The following CACNA1A variants were observed in gnomAD, a reference collection of about 807,000 sequenced individuals.
The protein encoded by CACNA1A is voltage-dependent P/Q-type calcium channel subunit alpha-1A.
In CACNA1A, 57 loss-of-function variants were observed where a neutral mutation model predicts 262.4. The observed-to-expected ratio is 0.22, with a 90% CI of 0.18 to 0.27. CACNA1A has a LOEUF of 0.27. Ranked by LOEUF, CACNA1A falls within the 10% of genes least tolerant of loss-of-function variation. The pLI, the probability that CACNA1A is intolerant of heterozygous loss-of-function variation, is 1.00. For synonymous variants in CACNA1A, 1,431 were observed against 1,419.3 expected (o/e 1.01, Z -0.18); for missense variants, 2,526 against 3,562.8 (o/e 0.71, Z 7.41).
At chr19:13,318,435 G>A (rs2058174261) in intron 10 of CACNA1A, among the ~76,000 whole-genome samples, 1 of 152,172 alleles carries the variant, frequency 6.6e-6, no homozygotes, top group Non-Finnish European at 1.5e-5. Context: ...CCACAAGGAG[G>A]ACTTTGGCTT....
At position 13,277,333 on chromosome 19, in the gene CACNA1A, T is replaced by C. The variant is rs1358049954; in HGVS notation, c.3823-205A>G. The C allele has an allele frequency of 5.0e-5, 25 of 499,574 alleles. No individual in the cohort carries two copies. The South Asian group carries it at 5.1e-4, about 10-fold the overall frequency. 30.9% of individuals were successfully genotyped at this position (499,574 alleles called of 1,614,324 possible). On this transcript the variant is annotated intron_variant, in intron 22 of 46. Transcript: ENST00000360228. Reference sequence around the variant, plus strand: ...GCAGATTTGTATGTTGTGAATGAAATTGTCCAGCAGATGGCAGCAAATCCT... The same window carrying C: ...GCAGATTTGTATGTTGTGAATGAAACTGTCCAGCAGATGGCAGCAAATCCT...
chr19:13,247,445 G>A (rs977188399), intron 30 of CACNA1A, among the ~76,000 whole-genome samples: 2 of 152,182 alleles, frequency 1.3e-5, no homozygotes, highest in African/African-American at 4.8e-5. Flanking sequence ...TGCAATCCCA[G>A]CACTTTGGGA....
At position 13,236,260 on chromosome 19, in the gene CACNA1A, T is replaced by C. The variant is rs1224243696; in HGVS notation, c.4951-530A>G. On this transcript the variant is annotated intron_variant, in intron 31 of 46. Transcript: ENST00000360228. This position sits in a 1 kb window ranked among gnomAD's most constrained non-coding sequence, Gnocchi z 4.6. ...CCAGCACAGTCAGGCCTGGTGGACA[T>C]GTGCGGGTTCCGAGGGCATGTTACG... Among the ~76,000 whole-genome samples the C allele has an allele frequency of 6.6e-6, 1 of 151,958 alleles. No homozygotes were observed. The highest frequency in any genetic ancestry group is 2.4e-5 in the African/African-American group (1 of 41,370).
intron 38 of CACNA1A, among the ~76,000 whole-genome samples, chr19:13,221,234 CTT>C (rs57377809): frequency 2.8e-5 from 1 of 36,306 alleles, no homozygotes; most frequent in Non-Finnish European, 4.7e-5. Context: ...TTCTTTCTTT[CTT>C]TTTTTTTTTT....
At chr19:13,360,696 T>G (rs2059095313) in intron 5 of CACNA1A, among the ~76,000 whole-genome samples, 1 of 152,120 alleles carries the variant, frequency 6.6e-6, no homozygotes, top group South Asian at 2.1e-4. Flanking sequence ...CAGGCTGGTC[T>G]CGAACTCCTG....
At chr19:13,247,539 C>A (rs887227297) in intron 30 of CACNA1A, among the ~76,000 whole-genome samples, 1 of 151,698 alleles carries the variant, frequency 6.6e-6, no homozygotes, top group Non-Finnish European at 1.5e-5. Flanking sequence ...TAAAAATACA[C>A]GCACACAAAA....
intron 19 of CACNA1A, among the ~76,000 whole-genome samples, chr19:13,291,143 T>C (rs2057526804): frequency 6.6e-6 from 1 of 152,174 alleles, no homozygotes; most frequent in African/African-American, 2.4e-5. Flanking sequence ...ATCCTCTGCC[T>C]GGAATAGGTG....
intron 15 of CACNA1A, among the ~76,000 whole-genome samples, chr19:13,306,283 G>A (rs1034194626): frequency 6.6e-6 from 1 of 152,194 alleles, no homozygotes; most frequent in Non-Finnish European, 1.5e-5. Flanking sequence ...CAGGGAATGC[G>A]CCCACATGGG....
chr19:13,334,604 T>C (rs1338936087), intron 7 of CACNA1A, 111 bp from the exon 8 acceptor site: 2 of 642,462 alleles, frequency 3.1e-6, no homozygotes, highest in African/African-American at 1.8e-5. Context: ...TGTGTGTGTG[T>C]GTGTGTTTGG....
intron 31 of CACNA1A, chr19:13,244,633 C>G (rs899077217): frequency 6.5e-6 from 1 of 152,780 alleles, no homozygotes; most frequent in African/African-American, 2.4e-5. Context: ...GGGGCCACCA[C>G]AGAGAGGTCC....
chr19:13,479,786 G>C (rs939161358), intron 1 of CACNA1A, among the ~76,000 whole-genome samples: 65 of 152,286 alleles, frequency 4.3e-4, no homozygotes, highest in African/African-American at 1.5e-3. Flanking sequence ...AGAAAGAAAG[G>C]CTGGCCTTTA....
intron 3 of CACNA1A, among the ~76,000 whole-genome samples, chr19:13,411,113 A>G (rs983831825): frequency 7.2e-5 from 11 of 152,144 alleles, no homozygotes; most frequent in Admixed American, 5.9e-4. Flanking sequence ...TTCCTTTGCC[A>G]TTACTTTTAA....
At chr19:13,419,022 T>C (rs112697669) in intron 3 of CACNA1A, among the ~76,000 whole-genome samples, 2,626 of 152,288 alleles carry the variant, frequency 0.017, 78 homozygotes, top group African/African-American at 0.059. Flanking sequence ...GCCTCCCGAA[T>C]AGCTGGGATT....
At chr19:13,400,706 G>A (rs374745830) in intron 3 of CACNA1A, among the ~76,000 whole-genome samples, 3 of 152,086 alleles carry the variant, frequency 2.0e-5, no homozygotes, top group Admixed American at 6.5e-5. Flanking sequence ...ACTGGGGCGC[G>A]GGCGCTACTG....
rs1314990137 is a variant in CACNA1A, at chr19:13,395,969, A to G, written c.540-24190T>C. Among the ~76,000 whole-genome samples, 3 of 152,344 alleles carry G rather than the reference A, an allele frequency of 2.0e-5. No homozygotes were observed. In the East Asian group the frequency reaches 5.8e-4, roughly 29 times the overall value. On this transcript the variant is annotated intron_variant, in intron 3 of 46. Coordinates refer to ENST00000360228, the MANE Select transcript of CACNA1A (RefSeq NM_001127222.2). ...ATTTACATTGTACACTTTTTGTTCA[A>G]TCATATTTCTACACCGCTGTCCATA... is the stretch of plus-strand genomic sequence containing the variant.
chr19:13,442,743 C>A (rs940896400), intron 3 of CACNA1A, among the ~76,000 whole-genome samples: 1 of 152,190 alleles, frequency 6.6e-6, no homozygotes, highest in African/African-American at 2.4e-5. Flanking sequence ...TTAACCATGG[C>A]GCTAGGCCAA....
intron 3 of CACNA1A, among the ~76,000 whole-genome samples, chr19:13,411,390 A>G (rs1299343935): frequency 1.3e-5 from 2 of 152,174 alleles, no homozygotes; most frequent in African/African-American, 4.8e-5. Context: ...TCATGGGGGC[A>G]GTTTCCCCCA....
At chr19:13,263,061 G>C (rs958580419) in intron 24 of CACNA1A, 4 of 538,008 alleles carry the variant, frequency 7.4e-6, no homozygotes, top group Non-Finnish European at 1.0e-5. Flanking sequence ...TCCCAGGGTT[G>C]GTTGAGGGCC....
chr19:13,312,818 G>A, intron 11 of CACNA1A, 37 bp from the exon 12 acceptor site: 1 of 1,090,294 alleles, frequency 9.2e-7, no homozygotes, highest in East Asian at 2.7e-5. Context: ...AGGAGGTTAG[G>A]CTTGCTGAGG....
Sources: allele counts gnomAD v4.1 joint callset (sites outside exome capture counted in the v4.1 genomes callset), GRCh38; gene constraint gnomAD v4.1.1; non-coding constraint Gnocchi (gnomAD v3.1); transcripts MANE v1.5; gene names NCBI Gene and HGNC (gene_info 2026-07-23, HGNC 2026-07-21).